The following TRIP4 variants were observed in gnomAD, a reference collection of about 807,000 sequenced individuals.
TRIP4 encodes the protein activating signal cointegrator 1.
TRIP4 carries 54 observed loss-of-function variants against 81.8 expected under a neutral mutation model. That is an observed-to-expected ratio of 0.66 (90% CI 0.53 to 0.83). The LOEUF (loss-of-function observed/expected upper bound fraction) is 0.83. Ranked by LOEUF, TRIP4 falls within the 40% of genes least tolerant of loss-of-function variation. The pLI, the probability that TRIP4 is intolerant of heterozygous loss-of-function variation, is 0.00. For missense variants in TRIP4, 662 were observed against 683.6 expected (o/e 0.97, Z 0.35); for synonymous variants, 270 against 242.8 (o/e 1.11, Z -1.04).
intron 1 of TRIP4, among the ~76,000 whole-genome samples, chr15:64,389,898 C>G (rs1030105283): frequency 6.6e-6 from 1 of 150,418 alleles, no homozygotes; most frequent in Non-Finnish European, 1.5e-5. Flanking sequence ...GATGGGGTTT[C>G]ACCATGTTGA....
At chr15:64,431,240 C>T (rs1360896725) in intron 11 of TRIP4, among the ~76,000 whole-genome samples, 1 of 152,000 alleles carries the variant, frequency 6.6e-6, no homozygotes, top group Admixed American at 6.5e-5. Flanking sequence ...ATATATAGAC[C>T]TCAAAATATT....
chr15:64,408,560 G>A (rs1274545813), intron 6 of TRIP4, among the ~76,000 whole-genome samples: 2 of 151,912 alleles, frequency 1.3e-5, no homozygotes, highest in Non-Finnish European at 2.9e-5. Flanking sequence ...GTGCCCGGCT[G>A]ACAAAATTTT....
At position 64,414,039 on chromosome 15, in the gene TRIP4, C is replaced by T. The variant is rs369298936; in HGVS notation, c.1044-46C>T. ...TTATGTTGGTGGTAAGCATTCTGAG[C>T]ATAGAACATTACCAATTGTTGCATC... is the stretch of plus-strand genomic sequence containing the variant. On this transcript the variant is annotated intron_variant, in intron 7 of 12. Transcript: ENST00000261884. 43 of 1,602,922 alleles carry T rather than the reference C, an allele frequency of 2.7e-5. No individual in the cohort carries two copies. The African/African-American group carries it at 5.1e-4, about 19-fold the overall frequency.
chr15:64,397,499 C>A, intron 3 of TRIP4, 107 bp from the exon 4 acceptor site: 1 of 1,063,550 alleles, frequency 9.4e-7, no homozygotes, highest in Non-Finnish European at 1.3e-6. Flanking sequence ...TTTCTTGGTT[C>A]TTGGATAGTA....
intron 1 of TRIP4, among the ~76,000 whole-genome samples, chr15:64,389,034 A>G (rs1334379676): frequency 1.3e-5 from 2 of 152,148 alleles, no homozygotes; most frequent in Non-Finnish European, 2.9e-5. Flanking sequence ...GGCTTGTTGG[A>G]GCACAAAATA....
chr15:64,451,804 C>T (rs1212916580), intron 12 of TRIP4, among the ~76,000 whole-genome samples: 1 of 151,518 alleles, frequency 6.6e-6, no homozygotes, highest in Non-Finnish European at 1.5e-5. Context: ...CAGACACCCT[C>T]CACCACGCCC....
intron 3 of TRIP4, among the ~76,000 whole-genome samples, chr15:64,396,265 G>C (rs1436433004): frequency 9.4e-6 from 1 of 106,272 alleles, no homozygotes; most frequent in Non-Finnish European, 1.7e-5. Context: ...GTATCTAGCT[G>C]CTTTTTTTTT....
intron 3 of TRIP4, among the ~76,000 whole-genome samples, chr15:64,396,427 T>C (rs1265333156): frequency 6.6e-6 from 1 of 151,578 alleles, no homozygotes; most frequent in Non-Finnish European, 1.5e-5. Context: ...CAGGCACACA[T>C]GCTACCACAC....
intron 12 of TRIP4, among the ~76,000 whole-genome samples, chr15:64,446,395 T>C (rs560297432): frequency 6.4e-4 from 97 of 151,670 alleles, no homozygotes; most frequent in African/African-American, 2.3e-3. Context: ...TGCTTTTCAT[T>C]CCTTTTTAAC....
intron 4 of TRIP4, among the ~76,000 whole-genome samples, chr15:64,399,689 A>G (rs1891443535): frequency 6.6e-6 from 1 of 151,992 alleles, no homozygotes; most frequent in Admixed American, 6.6e-5. Flanking sequence ...TTTAGTAGAG[A>G]CAGGGTTTCT....
intron 11 of TRIP4, among the ~76,000 whole-genome samples, chr15:64,436,847 G>A (rs1287778749): frequency 7.4e-6 from 1 of 135,804 alleles, no homozygotes; most frequent in Non-Finnish European, 1.5e-5. Context: ...GATCTCGGCT[G>A]CAGGTTGTGT....
intron 11 of TRIP4, among the ~76,000 whole-genome samples, chr15:64,436,120 C>A (rs1032302876): frequency 2.0e-5 from 3 of 151,980 alleles, no homozygotes; most frequent in African/African-American, 7.3e-5. Context: ...CATGATGAAA[C>A]CCTGTCTCTA....
chr15:64,440,546 T>C (rs1892495194), intron 11 of TRIP4, among the ~76,000 whole-genome samples: 2 of 151,760 alleles, frequency 1.3e-5, no homozygotes, highest in Admixed American at 1.3e-4. Context: ...CTTCTTCCAA[T>C]GCATAGGCTT....
At chr15:64,408,945 T>C (rs1891697180) in intron 6 of TRIP4, among the ~76,000 whole-genome samples, 1 of 152,128 alleles carries the variant, frequency 6.6e-6, no homozygotes, top group Non-Finnish European at 1.5e-5. Flanking sequence ...CCAGGCACAG[T>C]GGCTCACACC....
intron 11 of TRIP4, among the ~76,000 whole-genome samples, chr15:64,428,506 A>G (rs1312728441): frequency 6.6e-6 from 1 of 152,216 alleles, no homozygotes; most frequent in Non-Finnish European, 1.5e-5. Flanking sequence ...TGTCTCTGAT[A>G]TATAACATTA....
At chr15:64,423,590 A>T (rs932062599) in intron 9 of TRIP4, among the ~76,000 whole-genome samples, 2 of 151,764 alleles carry the variant, frequency 1.3e-5, no homozygotes, top group African/African-American at 4.8e-5. Context: ...TTGTGTGTAG[A>T]TGAGGATTTT....
chr15:64,444,980 G>A, intron 11 of TRIP4, 26 bp from the exon 12 acceptor site: 1 of 1,314,102 alleles, frequency 7.6e-7, no homozygotes, highest in Non-Finnish European at 1.1e-6. Flanking sequence ...CAACTATCCT[G>A]AACTTTTTAT....
intron 1 of TRIP4, among the ~76,000 whole-genome samples, chr15:64,391,021 A>AT (rs1225797142): frequency 6.6e-6 from 1 of 152,258 alleles, no homozygotes; most frequent in African/African-American, 2.4e-5. Context: ...CTATTATGCC[A>AT]TGATGAAAGC....
intron 11 of TRIP4, among the ~76,000 whole-genome samples, chr15:64,428,097 G>A (rs368215049): frequency 2.6e-4 from 39 of 152,154 alleles, no homozygotes; most frequent in East Asian, 7.7e-4. Context: ...ATGTATTTGC[G>A]TTCTAAAAGA....
Sources: gnomAD v4.1 joint callset for allele counts (sites outside exome capture counted in the v4.1 genomes callset) on GRCh38, gnomAD v4.1.1 for gene constraint, MANE v1.5 for transcripts, NCBI Gene and HGNC (gene_info 2026-07-23, HGNC 2026-07-21) for gene names.